TRPC6: variants seen among roughly 807,000 people sequenced by gnomAD.
TRPC6 encodes the protein transient receptor potential cation channel subfamily C member 6, also known as short transient receptor potential channel 6.
A neutral mutation model predicts 90.7 loss-of-function variants in TRPC6; 55 were observed. The ratio of observed to expected loss-of-function variants is 0.61; its 90% CI spans 0.49 to 0.76. TRPC6 has a LOEUF of 0.76. Ranked by LOEUF, TRPC6 falls within the 30% of genes least tolerant of loss-of-function variation. The pLI is 0.00. For synonymous variants in TRPC6, 393 were observed against 393.0 expected, an observed-to-expected ratio of 1.00 and a Z score of 0.00; for missense variants, 989 against 1,122.7, an observed-to-expected ratio of 0.88 and a Z score of 1.70.
intron 1 of TRPC6, among the ~76,000 whole-genome samples, chr11:101,551,401 C>CA (rs1227248711): frequency 6.6e-6 from 1 of 151,708 alleles, no homozygotes; most frequent in South Asian, 2.1e-4. Context: ...AAAAGAAGGC[C>CA]AAAAAATACA....
chr11:101,497,377 ACACCACCTTTGTCC>A (rs1316625202), intron 2 of TRPC6, among the ~76,000 whole-genome samples: 1 of 152,246 alleles, frequency 6.6e-6, no homozygotes, highest in Non-Finnish European at 1.5e-5. Context: ...GATAACAGTC[ACACCACCTTTGTCC>A]CAACGAAAAG....
intron 1 of TRPC6, among the ~76,000 whole-genome samples, chr11:101,570,744 T>C (rs924524538): frequency 1.1e-4 from 17 of 152,050 alleles, no homozygotes; most frequent in Non-Finnish European, 1.8e-4. Flanking sequence ...ATGTAATCCA[T>C]CACATAAATA....
intron 4 of TRPC6, among the ~76,000 whole-genome samples, chr11:101,487,378 A>G (rs1167544921): frequency 6.6e-6 from 1 of 152,124 alleles, no homozygotes; most frequent in Non-Finnish European, 1.5e-5. Flanking sequence ...ACAATTTAGA[A>G]ATGTATTTGT....
chr11:101,531,257 A>G (rs1433642552), intron 1 of TRPC6, among the ~76,000 whole-genome samples: 1 of 152,218 alleles, frequency 6.6e-6, no homozygotes, highest in African/African-American at 2.4e-5. Context: ...AAAAAACTCA[A>G]TCCCCATAAG....
chr11:101,476,997 T>C (rs1006134636), intron 5 of TRPC6, among the ~76,000 whole-genome samples: 4 of 152,082 alleles, frequency 2.6e-5, no homozygotes, highest in Non-Finnish European at 5.9e-5. Flanking sequence ...ATTTGATTGA[T>C]CACAGGCCTC....
intron 1 of TRPC6, among the ~76,000 whole-genome samples, chr11:101,531,690 A>G (rs1860915951): frequency 1.3e-5 from 2 of 152,182 alleles, no homozygotes; most frequent in Non-Finnish European, 2.9e-5. Flanking sequence ...CCATATTTTC[A>G]CCCAATCTAA....
intron 1 of TRPC6, among the ~76,000 whole-genome samples, chr11:101,548,000 C>G (rs1044567628): frequency 6.6e-6 from 1 of 151,890 alleles, no homozygotes; most frequent in African/African-American, 2.4e-5. Flanking sequence ...TAAACTGTAT[C>G]CAGGAGATGC....
rs1348989219 is a variant in TRPC6 at position 101,567,254 on chromosome 11, A to G, written c.170+16080T>C. ...CACAGTATAAACAAAGCCCTGGGGA[A>G]GTTCCAAATGGGCGTAGCCCACCAC... On this transcript the variant is annotated intron_variant, in intron 1 of 12. Coordinates refer to ENST00000344327, the MANE Select transcript of TRPC6 (RefSeq NM_004621.6). 2.0e-5 allele frequency among the ~76,000 whole-genome samples: 3 copies of G among 151,936 alleles called. No homozygotes were observed. The East Asian group carries it at 5.9e-4, about 30-fold the overall frequency.
intron 10 of TRPC6, among the ~76,000 whole-genome samples, chr11:101,464,968 C>T (rs1201387544): frequency 6.6e-6 from 1 of 152,156 alleles, no homozygotes; most frequent in African/African-American, 2.4e-5. Context: ...CCTTCAGGAA[C>T]TCTTGTAAGG....
intron 1 of TRPC6, 136 bp downstream of exon 1, chr11:101,583,198 C>T: frequency 7.2e-7 from 1 of 1,392,374 alleles, no homozygotes; most frequent in Non-Finnish European, 9.3e-7. Context: ...CTGGCTCTCG[C>T]GGACCTCCCA....
At chr11:101,505,966 T>G (rs1298429331) in intron 1 of TRPC6, among the ~76,000 whole-genome samples, 1 of 146,720 alleles carries the variant, frequency 6.8e-6, no homozygotes, top group African/African-American at 2.5e-5. Context: ...GAGCCATGAC[T>G]ATGCCTCTGC....
intron 1 of TRPC6, among the ~76,000 whole-genome samples, chr11:101,557,576 T>C (rs1177948753): frequency 1.3e-5 from 2 of 151,930 alleles, no homozygotes; most frequent in East Asian, 3.9e-4. Context: ...TTTTCTCTGC[T>C]TGTAGATAAT....
At chr11:101,573,436 T>C (rs1386010866) in intron 1 of TRPC6, among the ~76,000 whole-genome samples, 1 of 152,214 alleles carries the variant, frequency 6.6e-6, no homozygotes, top group Admixed American at 6.5e-5. Flanking sequence ...CTTCTTTTTC[T>C]GCATTTACAA....
intron 1 of TRPC6, among the ~76,000 whole-genome samples, chr11:101,537,932 G>A (rs1425964121): frequency 2.6e-5 from 4 of 152,138 alleles, no homozygotes; most frequent in African/African-American, 9.7e-5. Flanking sequence ...CCATCAATAT[G>A]TAGTTTTAAG....
At chr11:101,569,774 GTAAA>G (rs1403612941) in intron 1 of TRPC6, among the ~76,000 whole-genome samples, 2 of 152,134 alleles carry the variant, frequency 1.3e-5, no homozygotes, top group Non-Finnish European at 2.9e-5. Flanking sequence ...TGACTACTGT[GTAAA>G]TAACAAAATT....
chr11:101,544,734 T>G (rs1861258029), intron 1 of TRPC6, among the ~76,000 whole-genome samples: 3 of 148,736 alleles, frequency 2.0e-5, no homozygotes. Flanking sequence ...CTGTTGGGGG[T>G]GGCGGGCTAG....
chr11:101,489,580 C>T (rs1000948029), intron 3 of TRPC6, among the ~76,000 whole-genome samples: 1 of 151,876 alleles, frequency 6.6e-6, no homozygotes, highest in Non-Finnish European at 1.5e-5. Flanking sequence ...CTATTGATCT[C>T]TCCTTTTATT....
intron 1 of TRPC6, among the ~76,000 whole-genome samples, chr11:101,545,927 C>T (rs1192245815): frequency 6.6e-6 from 1 of 151,564 alleles, no homozygotes; most frequent in Non-Finnish European, 1.5e-5. Flanking sequence ...CATTTATTTG[C>T]TTGCCTATGA....
At chr11:101,480,183 TAAATA>T (rs1197871657) in intron 5 of TRPC6, among the ~76,000 whole-genome samples, 3 of 152,056 alleles carry the variant, frequency 2.0e-5, no homozygotes, top group Non-Finnish European at 2.9e-5. Context: ...CGTCTCAAAA[TAAATA>T]AAATAAAAAA....
Sources: allele counts gnomAD v4.1 joint callset (sites outside exome capture counted in the v4.1 genomes callset), GRCh38; gene constraint gnomAD v4.1.1; transcripts MANE v1.5; gene names NCBI Gene and HGNC (gene_info 2026-07-23, HGNC 2026-07-21).